FAM149A: variants seen among roughly 807,000 people sequenced by gnomAD.
FAM149A encodes protein FAM149A.
A neutral mutation model predicts 78.2 loss-of-function variants in FAM149A; 71 were observed. That is an observed-to-expected ratio of 0.91 (90% CI 0.75 to 1.11). The LOEUF (loss-of-function observed/expected upper bound fraction) is 1.11. FAM149A is among the 50% of genes least tolerant of loss of function. The pLI is 0.00. For synonymous variants in FAM149A, 446 were observed against 410.5 expected (o/e 1.09, Z -1.04); for missense variants, 1,036 against 971.0 (o/e 1.07, Z -0.89).
chr4:186,157,955 G>A (rs780180777), intron 8 of FAM149A: 52 of 1,522,542 alleles, frequency 3.4e-5, no homozygotes, highest in East Asian at 5.0e-5. Context: ...AGTTCCTTGC[G>A]GTAGGAGCCC....
chr4:186,130,574 G>T (rs1311396924), intron 1 of FAM149A, among the ~76,000 whole-genome samples: 15 of 151,082 alleles, frequency 9.9e-5, no homozygotes, highest in Non-Finnish European at 2.2e-4. Context: ...GCCCAGGCTG[G>T]TCTCAAACTC....
chr4:186,117,838 A>C, intron 1 of FAM149A: 1 of 910,440 alleles, frequency 1.1e-6, no homozygotes, highest in Non-Finnish European at 1.3e-6. Context: ...AGGAATGAAC[A>C]CAGTGAAAAG....
intron 1 of FAM149A, chr4:186,131,890 T>G: frequency 1.0e-6 from 1 of 985,390 alleles, no homozygotes; most frequent in Non-Finnish European, 1.2e-6. Context: ...GACCATTTAC[T>G]GGAAGGTTTT....
intron 9 of FAM149A, among the ~76,000 whole-genome samples, chr4:186,163,168 T>C (rs544202501): frequency 1.6e-4 from 25 of 152,336 alleles, no homozygotes; most frequent in African/African-American, 5.8e-4. Context: ...GAAAGGGGAA[T>C]GTAGTCCTGA....
intron 1 of FAM149A, among the ~76,000 whole-genome samples, chr4:186,112,895 A>C (rs1459492783): frequency 1.5e-5 from 1 of 66,460 alleles, no homozygotes; most frequent in Non-Finnish European, 3.1e-5. Flanking sequence ...TTGGTATCAG[A>C]ATGATGCTGG....
intron 1 of FAM149A, among the ~76,000 whole-genome samples, chr4:186,131,347 CA>C (rs35861617): frequency 0.65 from 96,764 of 148,690 alleles, 31,392 homozygotes; most frequent in African/African-American, 0.73. Context: ...GACTCCAACT[CA>C]AAAAAAAAAA....
chr4:186,126,346 A>G (rs1353413741), intron 1 of FAM149A, among the ~76,000 whole-genome samples: 1 of 152,100 alleles, frequency 6.6e-6, no homozygotes, highest in Admixed American at 6.5e-5. Context: ...TGTCAACTTG[A>G]CTGAGCTAAG....
chr4:186,137,155 G>C lies in FAM149A; in HGVS notation c.567-12018G>C, dbSNP rs145198745. On this transcript the variant is annotated intron_variant, in intron 1 of 13. Coordinates refer to ENST00000389354, the MANE Select transcript of FAM149A (RefSeq NM_001367768.3). ...TAACAGAAATCAGCAAATTGGATTTGAGATGAATCTTTGAAAGCTAAACTT... is the reference window on the plus strand; with the variant it reads ...TAACAGAAATCAGCAAATTGGATTTCAGATGAATCTTTGAAAGCTAAACTT... Among the ~76,000 whole-genome samples, 933 of 152,168 alleles carry C rather than the reference G, an allele frequency of 6.1e-3. 9 individuals carry two copies. The highest frequency in any genetic ancestry group is 0.021 in the African/African-American group (881 of 41,524).
intron 8 of FAM149A, among the ~76,000 whole-genome samples, chr4:186,162,265 G>A (rs771003438): frequency 3.9e-5 from 6 of 152,218 alleles, no homozygotes; most frequent in Non-Finnish European, 5.9e-5. Context: ...CGAGGGTCCA[G>A]GCCATCTCAC....
intron 5 of FAM149A, among the ~76,000 whole-genome samples, chr4:186,154,219 T>C (rs560775817): frequency 6.6e-6 from 1 of 152,322 alleles, no homozygotes; most frequent in African/African-American, 2.4e-5. Flanking sequence ...ATGCAGTCCT[T>C]TCACTGCAAC....
At chr4:186,171,469 G>T (rs1280986281) in intron 13 of FAM149A, among the ~76,000 whole-genome samples, 1 of 152,146 alleles carries the variant, frequency 6.6e-6, no homozygotes, top group Non-Finnish European at 1.5e-5. Flanking sequence ...AGGTCAAAAA[G>T]CACTGGGAAC....
intron 10 of FAM149A, among the ~76,000 whole-genome samples, chr4:186,165,077 C>T (rs922742895): frequency 3.3e-5 from 5 of 152,148 alleles, no homozygotes; most frequent in Admixed American, 2.6e-4. Flanking sequence ...GCCTCACTTT[C>T]CCTCTGACCC....
At position 186,164,534 on chromosome 4, in the gene FAM149A, G is replaced by A. The variant is rs1734866384; in HGVS notation, c.1890-810G>A. On this transcript the variant is annotated intron_variant, in intron 10 of 13. Transcript: ENST00000389354. The surrounding 1 kb of genome is among the most constrained non-coding windows in gnomAD (Gnocchi z 4.0). ...CCTTTCAGCTTTTTAATTGGTGACT[G>A]TTTCTTTCACAGTTTGGGACTGATG... 2.1e-6 allele frequency: 2 copies of A among 966,426 alleles called. No homozygotes were observed. Among genetic ancestry groups the A allele is most frequent in the South Asian group, 4.8e-5 (1 of 20,916 alleles). 59.9% of individuals were successfully genotyped at this position (966,426 alleles called of 1,614,324 possible). A position where few individuals can be genotyped will look rare whatever the true frequency, so the allele number is the denominator to read the frequency against.
rs555497937 is a variant in FAM149A, at chr4:186,120,793, C to CA, written c.566+15168dup. ...TGGGCGACAGAGCAAGACTCCATCT[C>CA]AAAAAAAAAAAAAAAAAGTTAGTAA... On this transcript the variant is annotated intron_variant, in intron 1 of 13. Coordinates refer to ENST00000389354, the MANE Select transcript of FAM149A (RefSeq NM_001367768.3). 2.7e-3 allele frequency among the ~76,000 whole-genome samples: 181 copies of CA among 66,020 alleles called. 7 individuals carry two copies. Among genetic ancestry groups the CA allele is most frequent in the South Asian group, 0.014 (20 of 1,444 alleles). The allele number at this position is 66,020 out of a possible 152,430, so 43.3% of individuals were successfully genotyped here. A position where few individuals can be genotyped will look rare whatever the true frequency, so the allele number is the denominator to read the frequency against.
At chr4:186,111,241 T>G (rs1271453152) in intron 1 of FAM149A, among the ~76,000 whole-genome samples, 2 of 151,550 alleles carry the variant, frequency 1.3e-5, no homozygotes, top group Non-Finnish European at 2.9e-5. Context: ...TTGATGGGGT[T>G]GTTTGTTTTT....
intron 1 of FAM149A, among the ~76,000 whole-genome samples, chr4:186,120,329 T>C (rs893060429): frequency 3.9e-5 from 6 of 152,310 alleles, no homozygotes; most frequent in African/African-American, 9.6e-5. Flanking sequence ...AAATGTAAGA[T>C]TGAATTCCTG....
chr4:186,140,975 A>C (rs930727246), intron 1 of FAM149A, among the ~76,000 whole-genome samples: 1 of 152,230 alleles, frequency 6.6e-6, no homozygotes, highest in African/African-American at 2.4e-5. Context: ...GAGATCCAGG[A>C]GAGCCAGTGA....
At chr4:186,126,119 T>C in intron 1 of FAM149A, 1 of 982,646 alleles carries the variant, frequency 1.0e-6, no homozygotes, top group Non-Finnish European at 1.2e-6. Context: ...CAAAATGAAA[T>C]CCTTTCATTA....
rs970590119 is a variant in FAM149A, at chr4:186,164,708, C to T, written c.1890-636C>T. 3.9e-5 allele frequency among the ~76,000 whole-genome samples: 6 copies of T among 152,148 alleles called. No homozygotes were observed. The highest frequency in any genetic ancestry group is 8.8e-5 in the Non-Finnish European group (6 of 68,032). ...CCTCCTGCCCCAGCCTACCTGGGCC[C>T]CCTGTCACACCTTCATCAAATAGAA... On this transcript the variant is annotated intron_variant, in intron 10 of 13. Coordinates refer to ENST00000389354, the MANE Select transcript of FAM149A (RefSeq NM_001367768.3). The surrounding 1 kb of genome is among the most constrained non-coding windows in gnomAD (Gnocchi z 4.0).
Sources: allele counts gnomAD v4.1 joint callset (sites outside exome capture counted in the v4.1 genomes callset), GRCh38; gene constraint gnomAD v4.1.1; non-coding constraint Gnocchi (gnomAD v3.1); transcripts MANE v1.5; gene names NCBI Gene and HGNC (gene_info 2026-07-23, HGNC 2026-07-21).